The following KIF13A variants were observed in gnomAD, a reference collection of about 807,000 sequenced individuals.
The protein encoded by KIF13A is kinesin family member 13A, also known as kinesin-like protein KIF13A.
In KIF13A, 79 loss-of-function variants were observed where a neutral mutation model predicts 212.2. The observed-to-expected ratio is 0.37, with a 90% CI of 0.31 to 0.45. The LOEUF (loss-of-function observed/expected upper bound fraction) is 0.45, where lower values mean the gene tolerates loss of function less well. Among genes scored for constraint, KIF13A ranks in the 20% least tolerant of loss-of-function variants. The pLI, the probability that KIF13A is intolerant of heterozygous loss-of-function variation, is 1.00. For missense variants in KIF13A, 1,901 were observed against 2,209.0 expected, an observed-to-expected ratio of 0.86 and a Z score of 2.79; for synonymous variants, 789 against 808.6, an observed-to-expected ratio of 0.98 and a Z score of 0.41.
chr6:17,782,008 C>T (rs935648880), intron 29 of KIF13A, among the ~76,000 whole-genome samples: 1 of 152,212 alleles, frequency 6.6e-6, no homozygotes, highest in Admixed American at 6.5e-5. Flanking sequence ...GTGATCTTGG[C>T]TCACTGCAAC....
chr6:17,812,838 CTGT>C (rs983545757), intron 17 of KIF13A, among the ~76,000 whole-genome samples: 1 of 152,168 alleles, frequency 6.6e-6, no homozygotes, highest in African/African-American at 2.4e-5. Context: ...TTGCCAGAAT[CTGT>C]TATTTTTTGA....
intron 26 of KIF13A, among the ~76,000 whole-genome samples, chr6:17,788,147 C>G (rs1053872234): frequency 6.6e-6 from 1 of 152,120 alleles, no homozygotes; most frequent in African/African-American, 2.4e-5. Flanking sequence ...TACCAGCTGT[C>G]AGATTTTTTT....
chr6:17,783,064 G>A lies in KIF13A; in HGVS notation c.3544+582C>T, dbSNP rs560470160. On this transcript the variant is annotated intron_variant, in intron 29 of 38. Coordinates refer to ENST00000259711, the MANE Select transcript of KIF13A (RefSeq NM_022113.6). The surrounding 1 kb of genome is among the most constrained non-coding windows in gnomAD (Gnocchi z 4.3). ...AGGTTTTCAGGCTGTGTTTTGAGGAGCCCTAGGGCCCTGCCAAAGGATCTA... is the reference window on the plus strand; with the variant it reads ...AGGTTTTCAGGCTGTGTTTTGAGGAACCCTAGGGCCCTGCCAAAGGATCTA... Among the ~76,000 whole-genome samples the A allele has an allele frequency of 3.9e-5, 6 of 152,318 alleles. No individual in the cohort carries two copies. In the East Asian group the frequency reaches 1.2e-3, roughly 29 times the overall value.
intron 3 of KIF13A, among the ~76,000 whole-genome samples, chr6:17,879,216 C>T (rs530208194): frequency 1.3e-5 from 2 of 152,256 alleles, no homozygotes; most frequent in South Asian, 4.1e-4. Flanking sequence ...TGCCTTGGTT[C>T]TTCTGTGTGG....
chr6:17,886,045 A>G lies in KIF13A; in HGVS notation c.159+12123T>C, dbSNP rs1026000105. On this transcript the variant is annotated intron_variant, in intron 3 of 38. Transcript: ENST00000259711. The surrounding 1 kb of genome is among the most constrained non-coding windows in gnomAD (Gnocchi z 5.6). ...ACACAGAATACTTCTTCTTCAATAA[A>G]AACAGTCCAAAAGATAAGTTGCAAA... 6.6e-6 allele frequency among the ~76,000 whole-genome samples: 1 copy of G among 152,238 alleles called. No individual in the cohort carries two copies. Among genetic ancestry groups the G allele is most frequent in the African/African-American group, 2.4e-5 (1 of 41,474 alleles).
chr6:17,761,793 C>T (rs951676460), downstream of KIF13A, among the ~76,000 whole-genome samples: 2 of 152,156 alleles, frequency 1.3e-5, no homozygotes, highest in African/African-American at 4.8e-5. Context: ...ATTCTGGAAA[C>T]TTTCCAATCC....
chr6:17,805,738 A>G lies in KIF13A; in HGVS notation c.2164-123T>C, dbSNP rs190025773. On this transcript the variant is annotated intron_variant, in intron 18 of 38. Coordinates refer to ENST00000259711, the MANE Select transcript of KIF13A (RefSeq NM_022113.6). ...CACATAAATGCATACAAAAGAAGATAAAATTCTACCACCTACGAGGATAGT... is the reference window on the plus strand; with the variant it reads ...CACATAAATGCATACAAAAGAAGATGAAATTCTACCACCTACGAGGATAGT... 4.7e-3 allele frequency: 3,816 copies of G among 818,930 alleles called. 15 individuals carry two copies. The highest frequency in any genetic ancestry group is 5.8e-3 in the Non-Finnish European group (3,086 of 535,148). The allele number at this position is 818,930 out of a possible 1,614,324, so 50.7% of individuals were successfully genotyped here.
chr6:17,889,174 A>C (rs143256153), intron 3 of KIF13A, among the ~76,000 whole-genome samples: 1,536 of 152,312 alleles, frequency 0.01, 97 homozygotes, highest in Admixed American at 0.083. Context: ...TGTACCTAAT[A>C]AGGTTTCCCC....
In KIF13A at chr6:17,865,179, A is replaced by C. The variant is rs143155825; in HGVS notation, c.220+8198T>G. On this transcript the variant is annotated intron_variant, in intron 4 of 38. Transcript: ENST00000259711. ...CACAGATCAGACCTGGCATATGCAC[A>C]GAGTATTTCTTGTTTTTCTAAAGTA... Among the ~76,000 whole-genome samples the C allele has an allele frequency of 5.7e-3, 849 of 150,066 alleles. 13 individuals are homozygous for C. The highest frequency in any genetic ancestry group is 0.02 in the African/African-American group (786 of 39,436).
chr6:17,921,497 T>C (rs1039844768), intron 2 of KIF13A, among the ~76,000 whole-genome samples: 1 of 152,242 alleles, frequency 6.6e-6, no homozygotes. Flanking sequence ...TAGTACAATC[T>C]TTCCAGAAAG....
At chr6:17,974,911 G>A (rs778475084) in intron 2 of KIF13A, among the ~76,000 whole-genome samples, 9 of 152,166 alleles carry the variant, frequency 5.9e-5, no homozygotes, top group Non-Finnish European at 1.3e-4. Flanking sequence ...TAGGGCTACT[G>A]GCTACCACAT....
At position 17,856,862 on chromosome 6, in the gene KIF13A, T is replaced by C. The variant is rs531025736; in HGVS notation, c.221-740A>G. On this transcript the variant is annotated intron_variant, in intron 4 of 38. Transcript: ENST00000259711. The surrounding 1 kb of genome is among the most constrained non-coding windows in gnomAD (Gnocchi z 4.5). ...TGTATCACTAAGACAATTAGACTTA[T>C]GTTCTCCTTCCTGTCTTCTTATAGT... 2.2e-4 allele frequency among the ~76,000 whole-genome samples: 34 copies of C among 152,344 alleles called. 1 individual carries two copies. The South Asian group carries it at 6.8e-3, about 31-fold the overall frequency.
At position 17,777,421 on chromosome 6, in the gene KIF13A, T is replaced by TCTC; in HGVS notation, c.4093-68_4093-67insGAG. The TCTC allele has an allele frequency of 2.3e-6, 3 of 1,327,792 alleles. No individual in the cohort carries two copies. Among genetic ancestry groups the TCTC allele is most frequent in the Non-Finnish European group, 3.2e-6 (3 of 943,524 alleles). The allele number at this position is 1,327,792 out of a possible 1,614,324, so 82.3% of individuals were successfully genotyped here. ...TCCCCAGAGACAGAGTCTCACTCTG[T>TCTC]TGCCCAGGCTGGAGTGTAGTGATGC... On this transcript the variant is annotated intron_variant, in intron 33 of 38. Transcript: ENST00000259711. This position sits in a 1 kb window ranked among gnomAD's most constrained non-coding sequence, Gnocchi z 4.4.
intron 2 of KIF13A, among the ~76,000 whole-genome samples, chr6:17,917,448 C>G (rs1482599801): frequency 3.9e-5 from 6 of 151,922 alleles, no homozygotes; most frequent in African/African-American, 1.5e-4. Context: ...GCTATGTTGC[C>G]CAGGCTGGTT....
intron 3 of KIF13A, among the ~76,000 whole-genome samples, chr6:17,874,999 G>GTACA (rs1554188631): frequency 7.5e-5 from 9 of 120,330 alleles, no homozygotes; most frequent in African/African-American, 2.7e-4. Flanking sequence ...ACACGCACAC[G>GTACA]CACGCACACA....
Position 17,776,121 on chromosome 6 carries a change from GCCCACCTCAGCCT to G in KIF13A, c.4171-1072_4171-1060del, listed in dbSNP as rs1759957828. Among the ~76,000 whole-genome samples, 1 of 152,026 alleles carries G rather than the reference GCCCACCTCAGCCT, an allele frequency of 6.6e-6. No individual in the cohort carries two copies. The highest frequency in any genetic ancestry group is 1.5e-5 in the Non-Finnish European group (1 of 67,998). ...TTGAACTCCCAACCTCAGGTGATCT[GCCCACCTCAGCCT>G]CCCAAAGTGCTGGGATTATAAGCGT... On this transcript the variant is annotated intron_variant, in intron 34 of 38. Coordinates refer to ENST00000259711, the MANE Select transcript of KIF13A (RefSeq NM_022113.6). The surrounding 1 kb of genome is among the most constrained non-coding windows in gnomAD (Gnocchi z 4.6).
chr6:17,793,909 T>C (rs1203518315), intron 25 of KIF13A, among the ~76,000 whole-genome samples: 1 of 151,306 alleles, frequency 6.6e-6, no homozygotes, highest in Non-Finnish European at 1.5e-5. Flanking sequence ...CAAAACCCTA[T>C]CTTTTAAAAA....
At chr6:17,882,107 G>A (rs1269125507) in intron 3 of KIF13A, 1 of 456,510 alleles carries the variant, frequency 2.2e-6, no homozygotes, top group Non-Finnish European at 4.4e-6. Context: ...AAAACGAGAT[G>A]TGAAGGTGCT....
chr6:17,837,478 C>A lies in KIF13A; in HGVS notation c.936G>T (p.Leu312=). Residue 312 remains leucine, a synonymous_variant, in exon 10 of 39, where the codon CTG becomes CTT. Coordinates refer to ENST00000259711, the MANE Select transcript of KIF13A (RefSeq NM_022113.6). The surrounding 1 kb of genome is among the most constrained non-coding windows in gnomAD (Gnocchi z 5.4). The part of the protein sequence containing the change: ...VPYRDSVLTW[L]LKDNLGGNSQ... ...CACTAGAGCAATGGATTACCTTAAG[C>A]AGCCAAGTGAGGACTGAATCTCGAT... 1 of 1,601,070 alleles carries A rather than the reference C, an allele frequency of 6.2e-7. No homozygotes were observed. Among genetic ancestry groups the A allele is most frequent in the Non-Finnish European group, 8.5e-7 (1 of 1,172,418 alleles).
Sources: allele counts gnomAD v4.1 joint callset (sites outside exome capture counted in the v4.1 genomes callset), GRCh38; gene constraint gnomAD v4.1.1; non-coding constraint Gnocchi (gnomAD v3.1); transcripts MANE v1.5; gene names NCBI Gene and HGNC (gene_info 2026-07-23, HGNC 2026-07-21).